PUM3: variants seen among roughly 807,000 people sequenced by gnomAD.
The protein encoded by PUM3 is pumilio RNA binding family member 3.
Under a neutral mutation model 84.0 loss-of-function variants are expected in PUM3, and 91 were observed. The observed-to-expected ratio is 1.08, with a 90% CI of 0.91 to 1.29. The LOEUF (loss-of-function observed/expected upper bound fraction) is 1.29. Among genes scored for constraint, PUM3 ranks in the 50% most tolerant of loss-of-function variants. PUM3 has a pLI of 0.00. For missense variants in PUM3, 1,067 were observed against 767.5 expected (o/e 1.39, Z -4.61); for synonymous variants, 321 against 266.7 (o/e 1.20, Z -1.98).
intron 13 of PUM3, among the ~76,000 whole-genome samples, chr9:2,816,999 T>C (rs1821483689): frequency 6.6e-6 from 1 of 152,240 alleles, no homozygotes; most frequent in African/African-American, 2.4e-5. Context: ...GGTTTCGTAG[T>C]GGCTGAGTGG....
chr9:2,837,477 A>G (rs1427038274), intron 2 of PUM3, 76 bp from the exon 3 acceptor site: 2 of 959,520 alleles, frequency 2.1e-6, no homozygotes, highest in Admixed American at 5.2e-5. Flanking sequence ...TATCCATTAC[A>G]GAAAATTATA....
In PUM3 at chr9:2,820,087, G is replaced by A. The variant is rs1329800846; in HGVS notation, c.1200C>T (p.Ser400=). The change falls in exon 13 of 18, where the codon TCC becomes TCT. Residue 400 remains serine (S), a synonymous_variant. Coordinates refer to ENST00000397885, the MANE Select transcript of PUM3 (RefSeq NM_014878.5). Reference sequence around the variant, plus strand: ...CAAATGCCGCCAGTAAAACCAAATGGGAGTATTGGCCCTGCAAGAATTGGA... The same window carrying A: ...CAAATGCCGCCAGTAAAACCAAATGAGAGTATTGGCCCTGCAAGAATTGGA... ...YVEKVANGQY[S]HLVLLAAFDC... is the part of the protein sequence containing the mutation. The A allele has an allele frequency of 5.0e-6, 8 of 1,610,652 alleles. No individual in the cohort carries two copies. The highest frequency in any genetic ancestry group is 6.8e-6 in the Non-Finnish European group (8 of 1,177,368).
chr9:2,826,950 C>A, intron 10 of PUM3, 123 bp downstream of exon 10: 1 of 706,032 alleles, frequency 1.4e-6, no homozygotes, highest in East Asian at 2.8e-5. Context: ...AGTAAATTAT[C>A]TTCCCTAAAT....
chr9:2,838,379 T>C, intron 2 of PUM3, 47 bp downstream of exon 2: 1 of 1,258,666 alleles, frequency 7.9e-7, no homozygotes, highest in Non-Finnish European at 1.2e-6. Context: ...TGCCCTCCCA[T>C]CCCCCAATTA....
intron 13 of PUM3, among the ~76,000 whole-genome samples, chr9:2,813,172 A>G (rs946597167): frequency 6.6e-6 from 1 of 152,078 alleles, no homozygotes; most frequent in Non-Finnish European, 1.5e-5. Flanking sequence ...CAAGAACAGT[A>G]ACCTCCTTTT....
At chr9:2,827,011 T>C in intron 10 of PUM3, 62 bp downstream of exon 10, 1 of 1,354,348 alleles carries the variant, frequency 7.4e-7, no homozygotes, top group Non-Finnish European at 1.0e-6. Context: ...AAAGCAGTTT[T>C]TCAAATTTCT....
intron 3 of PUM3, among the ~76,000 whole-genome samples, chr9:2,835,225 CG>C (rs778176294): frequency 1.1e-4 from 16 of 151,984 alleles, no homozygotes; most frequent in South Asian, 2.1e-4. Flanking sequence ...TCAGCCTGGG[CG>C]AAATAGTGAG....
chr9:2,817,406 C>T (rs978147057), intron 13 of PUM3, among the ~76,000 whole-genome samples: 2 of 151,978 alleles, frequency 1.3e-5, no homozygotes, highest in Non-Finnish European at 2.9e-5. Context: ...ACAAAATGCA[C>T]AAGAATACAT....
At chr9:2,838,829 A>C (rs1486123841) in intron 1 of PUM3, among the ~76,000 whole-genome samples, 1 of 152,186 alleles carries the variant, frequency 6.6e-6, no homozygotes, top group African/African-American at 2.4e-5. Context: ...ATTGACACTA[A>C]GTATAATAAG....
At chr9:2,805,769 G>A (rs751071120) in intron 17 of PUM3, among the ~76,000 whole-genome samples, 12 of 151,772 alleles carry the variant, frequency 7.9e-5, no homozygotes, top group Middle Eastern at 3.4e-3. Flanking sequence ...TTTTCATAAC[G>A]ACCATAGGGT....
intron 3 of PUM3, among the ~76,000 whole-genome samples, chr9:2,835,902 A>C (rs1816107345): frequency 2.0e-5 from 3 of 152,194 alleles, no homozygotes; most frequent in Admixed American, 2.0e-4. Flanking sequence ...TCAATGTGAG[A>C]AATTAATGTA....
At chr9:2,825,778 C>A (rs1815800577) in intron 10 of PUM3, among the ~76,000 whole-genome samples, 1 of 152,086 alleles carries the variant, frequency 6.6e-6, no homozygotes, top group African/African-American at 2.4e-5. Context: ...CCGTGCCTGG[C>A]CCTATATTTT....
intron 12 of PUM3, among the ~76,000 whole-genome samples, chr9:2,821,607 T>C (rs977213422): frequency 6.6e-6 from 1 of 152,072 alleles, no homozygotes; most frequent in Non-Finnish European, 1.5e-5. Flanking sequence ...CCTCTGACAA[T>C]AGACTAATTT....
intron 6 of PUM3, 92 bp from the exon 7 acceptor site, chr9:2,831,120 T>C: frequency 3.0e-6 from 3 of 995,142 alleles, no homozygotes; most frequent in African/African-American, 1.6e-5. Context: ...AAGGAAAAAA[T>C]AAAAACAAAA....
At chr9:2,834,548 G>T (rs1816069888) in intron 3 of PUM3, among the ~76,000 whole-genome samples, 1 of 152,132 alleles carries the variant, frequency 6.6e-6, no homozygotes, top group African/African-American at 2.4e-5. Flanking sequence ...TAGTCCAAAT[G>T]AAAACAAGAA....
chr9:2,815,252 CA>C (rs917241270), intron 13 of PUM3, among the ~76,000 whole-genome samples: 1 of 151,786 alleles, frequency 6.6e-6, no homozygotes. Context: ...TATTGATCAG[CA>C]AAAAAAATGT....
chr9:2,831,350 G>A lies in PUM3; in HGVS notation c.517-6C>T, dbSNP rs367826337. ...GAATCGTGTGCAAATGCAATCTGCA[G>A]GAAAAAGTTTGAGTTAGACTAATTC... On this transcript the variant is annotated splice_region_variant and splice_polypyrimidine_tract_variant and intron_variant, in intron 5 of 17. Coordinates refer to ENST00000397885, the MANE Select transcript of PUM3 (RefSeq NM_014878.5). 1.1e-4 allele frequency: 174 copies of A among 1,586,782 alleles called. No individual in the cohort carries two copies. The highest frequency in any genetic ancestry group is 1.4e-4 in the Non-Finnish European group (163 of 1,160,484).
chr9:2,823,663 T>A, intron 12 of PUM3, 118 bp downstream of exon 12: 1 of 493,686 alleles, frequency 2.0e-6, no homozygotes, highest in Non-Finnish European at 3.6e-6. Context: ...AAGAAAAATA[T>A]AATAAAACAA....
rs555362087 is a variant in PUM3 at position 2,830,453 on chromosome 9, A to C, written c.678-505T>G. On this transcript the variant is annotated intron_variant, in intron 7 of 17. Transcript: ENST00000397885. Reference sequence around the variant, plus strand: ...CATGTTGACATTTTCTAACCCACTGACCCTCTATCAGTTTACTCACCTGTC... The same window carrying C: ...CATGTTGACATTTTCTAACCCACTGCCCCTCTATCAGTTTACTCACCTGTC... Among the ~76,000 whole-genome samples the C allele has an allele frequency of 1.6e-4, 24 of 152,218 alleles. No homozygotes were observed. In the South Asian group the frequency reaches 5.0e-3, roughly 32 times the overall value.
Sources: gnomAD v4.1 joint callset for allele counts (sites outside exome capture counted in the v4.1 genomes callset) on GRCh38, gnomAD v4.1.1 for gene constraint, MANE v1.5 for transcripts, NCBI Gene and HGNC (gene_info 2026-07-23, HGNC 2026-07-21) for gene names.